RBFOX3: variants seen among roughly 807,000 people sequenced by gnomAD.
RBFOX3 encodes RNA binding protein fox-1 homolog 3.
A neutral mutation model predicts 48.7 loss-of-function variants in RBFOX3; 17 were observed. The observed-to-expected ratio is 0.35, with a 90% CI of 0.24 to 0.52. The LOEUF is 0.52. Ranked by LOEUF, RBFOX3 falls within the 20% of genes least tolerant of loss-of-function variation. The probability of loss-of-function intolerance (pLI) is 0.94; values close to 1 mark genes in which losing one functional copy is unlikely to be tolerated. For synonymous variants in RBFOX3, 212 were observed against 209.5 expected (o/e 1.01, Z -0.10); for missense variants, 382 against 497.5 (o/e 0.77, Z 2.21).
intron 4 of RBFOX3, among the ~76,000 whole-genome samples, chr17:79,232,947 C>G (rs979809760): frequency 2.6e-5 from 4 of 152,186 alleles, no homozygotes; most frequent in Non-Finnish European, 4.4e-5. Context: ...TTTGGAAAAC[C>G]GTTTGGCACT....
intron 2 of RBFOX3, among the ~76,000 whole-genome samples, chr17:79,350,519 G>A (rs577622706): frequency 6.6e-6 from 1 of 152,330 alleles, no homozygotes; most frequent in East Asian, 1.9e-4. Context: ...GGATTATCCT[G>A]ATTTTAGCAG....
chr17:79,320,502 A>T (rs2078349587), intron 2 of RBFOX3, among the ~76,000 whole-genome samples: 1 of 152,208 alleles, frequency 6.6e-6, no homozygotes, highest in South Asian at 2.1e-4. Context: ...GATCAGTGCT[A>T]TTTTAAACAC....
intron 3 of RBFOX3, among the ~76,000 whole-genome samples, chr17:79,307,277 C>T (rs757163805): frequency 6.6e-6 from 1 of 152,234 alleles, no homozygotes; most frequent in Non-Finnish European, 1.5e-5. Context: ...CTTGCGGTCA[C>T]ACGGTCCTGT....
intron 4 of RBFOX3, among the ~76,000 whole-genome samples, chr17:79,229,178 G>A (rs142030162): frequency 0.018 from 2,464 of 139,288 alleles, 77 homozygotes; most frequent in African/African-American, 0.062. Flanking sequence ...GCAGTGAGCC[G>A]AGACTGTGCC....
intron 3 of RBFOX3, among the ~76,000 whole-genome samples, chr17:79,296,583 C>G (rs568539959): frequency 6.6e-6 from 1 of 152,064 alleles, no homozygotes; most frequent in Non-Finnish European, 1.5e-5. Flanking sequence ...AAATGCCCAA[C>G]GGAAGAGTCC....
In RBFOX3 at chr17:79,103,095, T is replaced by C. The variant is rs910089029; in HGVS notation, c.507+67A>G. Reference sequence around the variant, plus strand: ...GTGCGGCAGTGGCAGGGCTGGTTGGTTGGGGGAGCTGGGGGGCAGGTGGGC... The same window carrying C: ...GTGCGGCAGTGGCAGGGCTGGTTGGCTGGGGGAGCTGGGGGGCAGGTGGGC... On this transcript the variant is annotated intron_variant, in intron 8 of 14. Transcript: ENST00000693108. The surrounding 1 kb of genome is among the most constrained non-coding windows in gnomAD (Gnocchi z 6.1). The C allele has an allele frequency of 1.5e-5, 18 of 1,206,326 alleles. No homozygotes were observed. Among genetic ancestry groups the C allele is most frequent in the East Asian group, 7.7e-5 (3 of 39,184 alleles). The allele number at this position is 1,206,326 out of a possible 1,614,324, so 74.7% of individuals were successfully genotyped here.
intron 5 of RBFOX3, among the ~76,000 whole-genome samples, chr17:79,113,715 C>T (rs1014072281): frequency 2.6e-5 from 4 of 152,210 alleles, no homozygotes; most frequent in Non-Finnish European, 2.9e-5. Context: ...TGGCCTCTCA[C>T]GGGCAAGCCA....
chr17:79,254,192 C>T lies in RBFOX3; in HGVS notation c.-73-18387G>A, dbSNP rs2064413401. On this transcript the variant is annotated intron_variant, in intron 3 of 14. Coordinates refer to ENST00000693108, the MANE Select transcript of RBFOX3 (RefSeq NM_001350451.2). This position sits in a 1 kb window ranked among gnomAD's most constrained non-coding sequence, Gnocchi z 4.8. ...AAGTCATTTGCTGAGTTTTGCAGTT[C>T]ATGAGAGTGAAAGTGATTTTCCAGA... Among the ~76,000 whole-genome samples, 1 of 152,190 alleles carries T rather than the reference C, an allele frequency of 6.6e-6. No homozygotes were observed. The highest frequency in any genetic ancestry group is 2.4e-5 in the African/African-American group (1 of 41,446).
chr17:79,487,455 A>T (rs1229157117), intron 1 of RBFOX3, among the ~76,000 whole-genome samples: 4 of 152,178 alleles, frequency 2.6e-5, no homozygotes, highest in Non-Finnish European at 5.9e-5. Flanking sequence ...ATGTGCTGAG[A>T]TGGGGGAGAG....
At chr17:79,405,231 A>T (rs939252805) in intron 2 of RBFOX3, among the ~76,000 whole-genome samples, 4 of 152,032 alleles carry the variant, frequency 2.6e-5, no homozygotes, top group Non-Finnish European at 5.9e-5. Context: ...TCTCCTCCAC[A>T]CTGGGGCATT....
chr17:79,171,370 C>A (rs2049248241), intron 4 of RBFOX3, among the ~76,000 whole-genome samples: 1 of 152,184 alleles, frequency 6.6e-6, no homozygotes, highest in African/African-American at 2.4e-5. Flanking sequence ...GACTGGCCAA[C>A]GTTTTCTACG....
the RBFOX3 span, among the ~76,000 whole-genome samples, chr17:79,659,686 C>G: frequency 6.6e-6 from 1 of 152,280 alleles, no homozygotes; most frequent in East Asian, 1.9e-4. Context: ...ATATTTGTTA[C>G]TGCTTTGTTT....
chr17:79,162,152 C>T (rs746901755), intron 4 of RBFOX3, among the ~76,000 whole-genome samples: 1 of 152,192 alleles, frequency 6.6e-6, no homozygotes, highest in Non-Finnish European at 1.5e-5. Context: ...CAGCACAATC[C>T]CAGCTTTACC....
intron 1 of RBFOX3, among the ~76,000 whole-genome samples, chr17:79,591,002 G>A (rs1187966111): frequency 1.3e-5 from 2 of 152,194 alleles, no homozygotes; most frequent in African/African-American, 4.8e-5. Flanking sequence ...CCTGTGAGCA[G>A]CTTCCCAGCC....
rs974244806 is a variant in RBFOX3 at position 79,242,673 on chromosome 17, G to A, written c.-73-6868C>T. ...TAGGGAGACCGGGGAGTTCTGGCAGGTTCTGGCCATCACAGTAGTCCCTGG... is the reference window on the plus strand; with the variant it reads ...TAGGGAGACCGGGGAGTTCTGGCAGATTCTGGCCATCACAGTAGTCCCTGG... On this transcript the variant is annotated intron_variant, in intron 3 of 14. Coordinates refer to ENST00000693108, the MANE Select transcript of RBFOX3 (RefSeq NM_001350451.2). This position sits in a 1 kb window ranked among gnomAD's most constrained non-coding sequence, Gnocchi z 5.8. 5.9e-5 allele frequency among the ~76,000 whole-genome samples: 9 copies of A among 152,110 alleles called. No homozygotes were observed. The highest frequency in any genetic ancestry group is 2.2e-4 in the African/African-American group (9 of 41,430).
chr17:79,596,275 C>G (rs2093567408), intron 1 of RBFOX3, among the ~76,000 whole-genome samples: 4 of 152,228 alleles, frequency 2.6e-5, no homozygotes. Context: ...ACTGAACCCT[C>G]AGGGCAGAAC....
At chr17:79,140,515 T>C (rs7214274) in intron 4 of RBFOX3, among the ~76,000 whole-genome samples, 41,015 of 152,218 alleles carry the variant, frequency 0.27, 6,196 homozygotes, top group Non-Finnish European at 0.35. Flanking sequence ...ACATTAGCTG[T>C]AAAGCTCACG....
chr17:79,206,797 C>G lies in RBFOX3; in HGVS notation c.-34+28969G>C, dbSNP rs1284566341. On this transcript the variant is annotated intron_variant, in intron 4 of 14. Coordinates refer to ENST00000693108, the MANE Select transcript of RBFOX3 (RefSeq NM_001350451.2). ...ATGCAACCTTCCCTCTTCTATCCCTCAGGTGGGCAGCTCAGAAAGTGCCTT... is the reference window on the plus strand; with the variant it reads ...ATGCAACCTTCCCTCTTCTATCCCTGAGGTGGGCAGCTCAGAAAGTGCCTT... Among the ~76,000 whole-genome samples, 3 of 152,246 alleles carry G rather than the reference C, an allele frequency of 2.0e-5. No homozygotes were observed. The South Asian group carries it at 6.2e-4, about 32-fold the overall frequency.
intron 2 of RBFOX3, among the ~76,000 whole-genome samples, chr17:79,341,556 G>A (rs1192436979): frequency 6.6e-5 from 10 of 152,162 alleles, no homozygotes; most frequent in Admixed American, 2.6e-4. Flanking sequence ...TAGGCAGCAT[G>A]GCTGGGGCTG....
Sources: gnomAD v4.1 joint callset for allele counts (sites outside exome capture counted in the v4.1 genomes callset) on GRCh38, gnomAD v4.1.1 for gene constraint, Gnocchi (gnomAD v3.1) non-coding constraint, MANE v1.5 for transcripts, NCBI Gene and HGNC (gene_info 2026-07-23, HGNC 2026-07-21) for gene names.